EPN2: variants seen among roughly 807,000 people sequenced by gnomAD.
EPN2 encodes the protein epsin 2.
In EPN2, 34 loss-of-function variants were observed where a neutral mutation model predicts 61.7. The observed-to-expected ratio is 0.55, with a 90% CI of 0.42 to 0.73. The LOEUF is 0.73. Ranked by LOEUF, EPN2 falls within the 30% of genes least tolerant of loss-of-function variation. The pLI, the probability that EPN2 is intolerant of heterozygous loss-of-function variation, is 0.00. For synonymous variants in EPN2, 349 were observed against 353.6 expected (o/e 0.99, Z 0.15); for missense variants, 714 against 839.2 (o/e 0.85, Z 1.84).
intron 1 of EPN2, among the ~76,000 whole-genome samples, chr17:19,249,731 A>G (rs1381021257): frequency 2.0e-5 from 3 of 152,172 alleles, no homozygotes; most frequent in South Asian, 4.1e-4. Flanking sequence ...TCAGTTTCCT[A>G]TGGCTGCTGT....
At chr17:19,298,420 T>C (rs1056043366) in intron 4 of EPN2, among the ~76,000 whole-genome samples, 1 of 152,196 alleles carries the variant, frequency 6.6e-6, no homozygotes, top group Non-Finnish European at 1.5e-5. Context: ...GGTCTCAAAC[T>C]CCTGACCTCA....
chr17:19,300,932 G>A (rs985003027), intron 4 of EPN2, among the ~76,000 whole-genome samples: 4 of 152,160 alleles, frequency 2.6e-5, no homozygotes, highest in Non-Finnish European at 4.4e-5. Context: ...TGAGAGACTG[G>A]CCTGATAACA....
intron 4 of EPN2, among the ~76,000 whole-genome samples, chr17:19,295,286 G>T (rs7218720): frequency 1 from 151,827 of 151,828 alleles, 75,913 homozygotes; most frequent in Middle Eastern, 1. Flanking sequence ...TCACCTGAGG[G>T]CAGGAGTTCG....
intron 4 of EPN2, among the ~76,000 whole-genome samples, chr17:19,298,396 A>G (rs2045541673): frequency 1.3e-5 from 2 of 152,076 alleles, no homozygotes; most frequent in Admixed American, 1.3e-4. Flanking sequence ...GGGTTTTGCC[A>G]TTTTGGCTAG....
At chr17:19,290,822 G>C (rs1452934049) in intron 4 of EPN2, among the ~76,000 whole-genome samples, 1 of 152,128 alleles carries the variant, frequency 6.6e-6, no homozygotes, top group African/African-American at 2.4e-5. Flanking sequence ...AGTAAGCAGT[G>C]GTGGGCTTTG....
At chr17:19,305,320 C>CCCT (rs1384758122) in intron 4 of EPN2, among the ~76,000 whole-genome samples, 1 of 152,022 alleles carries the variant, frequency 6.6e-6, no homozygotes, top group Non-Finnish European at 1.5e-5. Flanking sequence ...CAGGGTTTTG[C>CCCT]CCTCGTTGGC....
intron 3 of EPN2, among the ~76,000 whole-genome samples, chr17:19,284,334 C>T (rs1165487927): frequency 6.6e-6 from 1 of 152,116 alleles, no homozygotes; most frequent in Non-Finnish European, 1.5e-5. Context: ...TGGGTCTTTG[C>T]CTTATGGTCA....
In EPN2 at chr17:19,335,300, A is replaced by G. The variant is rs1243457842; in HGVS notation, c.*1046A>G. ...CTTTTTGGCTAGATCCTGAGAGGCT[A>G]TTTTTCTTACGAATATACCAACATC... On this transcript the variant is annotated 3_prime_UTR_variant, in exon 11 of 11. Transcript: ENST00000314728. 5 of 1,187,198 alleles carry G rather than the reference A, an allele frequency of 4.2e-6. No homozygotes were observed. Among genetic ancestry groups the G allele is most frequent in the Non-Finnish European group, 4.7e-6 (4 of 855,106 alleles). 73.5% of individuals were successfully genotyped at this position (1,187,198 alleles called of 1,614,324 possible). A position where few individuals can be genotyped will look rare whatever the true frequency, so the allele number is the denominator to read the frequency against.
chr17:19,322,659 G>T (rs1906692520), intron 7 of EPN2, among the ~76,000 whole-genome samples: 1 of 151,364 alleles, frequency 6.6e-6, no homozygotes, highest in Admixed American at 6.6e-5. Context: ...AGGATCCCTT[G>T]AGCCTAGGAG....
intron 6 of EPN2, among the ~76,000 whole-genome samples, 176 bp downstream of exon 6, chr17:19,312,320 G>T (rs1448398628): frequency 6.6e-6 from 1 of 152,226 alleles, no homozygotes; most frequent in African/African-American, 2.4e-5. Flanking sequence ...AAACACACCT[G>T]AACTAACCAG....
intron 7 of EPN2, among the ~76,000 whole-genome samples, chr17:19,328,191 A>T (rs560765347): frequency 8.5e-5 from 13 of 152,202 alleles, no homozygotes; most frequent in African/African-American, 3.1e-4. Flanking sequence ...ATTCCTTTTT[A>T]TACAGGACTC....
intron 1 of EPN2, among the ~76,000 whole-genome samples, chr17:19,273,494 C>A (rs989393512): frequency 5.9e-5 from 9 of 151,866 alleles, no homozygotes; most frequent in Admixed American, 2.0e-4. Context: ...GTTTTTTAGC[C>A]CAGTTTTTGG....
chr17:19,266,405 ATTTT>A (rs5819665), intron 1 of EPN2, among the ~76,000 whole-genome samples: 1 of 142,004 alleles, frequency 7.0e-6, no homozygotes. Flanking sequence ...TATTTATTTT[ATTTT>A]TTTTTTTTTT....
intron 4 of EPN2, among the ~76,000 whole-genome samples, chr17:19,302,189 T>TA (rs1195989459): frequency 2.0e-5 from 3 of 152,198 alleles, no homozygotes; most frequent in African/African-American, 7.2e-5. Flanking sequence ...AGCACCCCCT[T>TA]ATGGATGGAG....
intron 4 of EPN2, among the ~76,000 whole-genome samples, chr17:19,300,278 C>A (rs1208526089): frequency 6.6e-6 from 1 of 152,090 alleles, no homozygotes; most frequent in Admixed American, 6.6e-5. Flanking sequence ...CCATTAGCCC[C>A]CAGAGCCAGG....
chr17:19,277,115 A>G (rs1202879427), intron 1 of EPN2, among the ~76,000 whole-genome samples: 1 of 152,166 alleles, frequency 6.6e-6, no homozygotes, highest in African/African-American at 2.4e-5. Context: ...AAATAACAGA[A>G]TGTGCCCGGG....
At chr17:19,284,682 C>A (rs1265305958) in intron 3 of EPN2, among the ~76,000 whole-genome samples, 1 of 152,208 alleles carries the variant, frequency 6.6e-6, no homozygotes, top group Non-Finnish European at 1.5e-5. Flanking sequence ...CTCAGTCAAC[C>A]CTTACTTAGT....
chr17:19,283,103 T>C lies in EPN2; in HGVS notation c.-17T>C, dbSNP rs768857862. Reference sequence around the variant, plus strand: ...CTCTGTTTGAAGGGCTTTAAACTTATAACAAAGAAAATAAAAATGACGACT... The same window carrying C: ...CTCTGTTTGAAGGGCTTTAAACTTACAACAAAGAAAATAAAAATGACGACT... On this transcript the variant is annotated 5_prime_UTR_variant, in exon 3 of 11. Transcript: ENST00000314728. This position sits in a 1 kb window ranked among gnomAD's most constrained non-coding sequence, Gnocchi z 7.0. 9.4e-6 allele frequency: 15 copies of C among 1,591,472 alleles called. No individual in the cohort carries two copies. In the East Asian group the frequency reaches 2.2e-4, roughly 24 times the overall value.
chr17:19,307,848 G>T (rs957860509), intron 4 of EPN2: 18 of 933,206 alleles, frequency 1.9e-5, no homozygotes, highest in Non-Finnish European at 2.0e-5. Flanking sequence ...TTGCATTTAG[G>T]CCTCTTCCCC....
Sources: gnomAD v4.1 joint callset for allele counts (sites outside exome capture counted in the v4.1 genomes callset) on GRCh38, gnomAD v4.1.1 for gene constraint, Gnocchi (gnomAD v3.1) non-coding constraint, MANE v1.5 for transcripts, NCBI Gene and HGNC (gene_info 2026-07-23, HGNC 2026-07-21) for gene names.